Variants in SRPK2 observed in about 807,000 individuals in gnomAD.
SRPK2 encodes SFRS protein kinase 2.
Under a neutral mutation model 90.8 loss-of-function variants are expected in SRPK2, and 21 were observed. That is an observed-to-expected ratio of 0.23 (90% CI 0.16 to 0.33). The LOEUF (loss-of-function observed/expected upper bound fraction) is 0.33, where lower values mean the gene tolerates loss of function less well. Among genes scored for constraint, SRPK2 ranks in the 10% least tolerant of loss-of-function variants. SRPK2 has a pLI of 1.00. For synonymous variants in SRPK2, 288 were observed against 311.1 expected, an observed-to-expected ratio of 0.93 and a Z score of 0.78; for missense variants, 620 against 869.0, an observed-to-expected ratio of 0.71 and a Z score of 3.60.
chr7:105,115,064 G>GTGCCTACTACAGAAATA (rs1799548861), downstream of SRPK2, among the ~76,000 whole-genome samples: 1 of 152,188 alleles, frequency 6.6e-6, no homozygotes, highest in African/African-American at 2.4e-5. Flanking sequence ...GGCTTGAAAT[G>GTGCCTACTACAGAAATA]TGCCTACTAC....
intron 2 of SRPK2, among the ~76,000 whole-genome samples, chr7:105,224,500 T>C (rs1016043479): frequency 1.3e-5 from 2 of 152,046 alleles, no homozygotes; most frequent in African/African-American, 4.8e-5. Flanking sequence ...TCCCAGCTAC[T>C]TGGGAGGCTG....
At chr7:105,147,523 ATTGGCCAGTGGTCTCGAACTC>A (rs1173440419) in intron 7 of SRPK2, among the ~76,000 whole-genome samples, 1 of 151,738 alleles carries the variant, frequency 6.6e-6, no homozygotes, top group Admixed American at 6.6e-5. Flanking sequence ...GTTTTACCAT[ATTGGCCAGTGGTCTCGAACTC>A]CTGACCTTGT....
At chr7:105,224,254 T>C (rs562375497) in intron 2 of SRPK2, among the ~76,000 whole-genome samples, 3 of 152,286 alleles carry the variant, frequency 2.0e-5, no homozygotes, top group East Asian at 3.9e-4. Context: ...TTCATAAAGG[T>C]CATACAATAA....
chr7:105,318,198 G>A (rs548747334), intron 2 of SRPK2, among the ~76,000 whole-genome samples: 4 of 152,292 alleles, frequency 2.6e-5, no homozygotes, highest in East Asian at 1.9e-4. Context: ...GGGTACAAGC[G>A]ATTCTCCTAC....
chr7:105,289,979 A>G lies in SRPK2; in HGVS notation c.72-86194T>C, dbSNP rs541470716. On this transcript the variant is annotated intron_variant, in intron 2 of 15. Coordinates refer to ENST00000393651, the MANE Select transcript of SRPK2 (RefSeq NM_182692.3). The stretch of plus-strand genomic sequence containing the variant: ...GAAGTAGGAAGGCCAAAGAGGAGGG[A>G]GAGAGACAGAGTACAGGTCAGTGGA... 2.1e-4 allele frequency among the ~76,000 whole-genome samples: 32 copies of G among 152,110 alleles called. No individual in the cohort carries two copies. In the East Asian group the frequency reaches 6.2e-3, roughly 29 times the overall value.
chr7:105,226,478 T>G (rs552175211), intron 2 of SRPK2, among the ~76,000 whole-genome samples: 2 of 151,942 alleles, frequency 1.3e-5, no homozygotes, highest in African/African-American at 4.8e-5. Context: ...TTTAGTAGAG[T>G]TGGGGTTTCA....
chr7:105,273,787 C>T (rs1337338610), intron 2 of SRPK2, among the ~76,000 whole-genome samples: 3 of 152,210 alleles, frequency 2.0e-5, no homozygotes, highest in Admixed American at 2.0e-4. Context: ...GACAGCCTGG[C>T]ATATCAGACA....
At chr7:105,276,142 T>C (rs1310466533) in intron 2 of SRPK2, among the ~76,000 whole-genome samples, 1 of 151,946 alleles carries the variant, frequency 6.6e-6, no homozygotes, top group Non-Finnish European at 1.5e-5. Flanking sequence ...AGTGCAGTGG[T>C]GCAACGATAG....
chr7:105,117,786 C>G lies in SRPK2; in HGVS notation c.*52G>C, dbSNP rs1799770406. The stretch of plus-strand genomic sequence containing the variant: ...AAAGAATGAGAGTCACCGTTTAGGT[C>G]CAATGTACTGGGAACATTTGCTAGC... On this transcript the variant is annotated 3_prime_UTR_variant, in exon 16 of 16. Coordinates refer to ENST00000393651, the MANE Select transcript of SRPK2 (RefSeq NM_182692.3). 1.3e-6 allele frequency: 2 copies of G among 1,583,614 alleles called. No homozygotes were observed. Among genetic ancestry groups the G allele is most frequent in the Non-Finnish European group, 1.7e-6 (2 of 1,156,132 alleles).
chr7:105,285,753 T>C (rs978386475), intron 2 of SRPK2, among the ~76,000 whole-genome samples: 6 of 152,304 alleles, frequency 3.9e-5, no homozygotes, highest in East Asian at 3.9e-4. Context: ...TGCTCTCCCT[T>C]TGCCTTCACC....
rs144866834 is a variant in SRPK2 at position 105,128,521 on chromosome 7, G to C, written c.1753-1459C>G. The stretch of plus-strand genomic sequence containing the variant: ...GAACAACTAGATTACACACTCAATG[G>C]CCAGGAGAGTCCTTCTAGCCTGGGA... On this transcript the variant is annotated intron_variant, in intron 13 of 15. Transcript: ENST00000393651. Among the ~76,000 whole-genome samples the C allele has an allele frequency of 1.1e-3, 166 of 152,238 alleles. 1 individual carries two copies. The highest frequency in any genetic ancestry group is 3.9e-3 in the African/African-American group (160 of 41,536).
At chr7:105,262,692 C>T (rs1804470183) in intron 2 of SRPK2, among the ~76,000 whole-genome samples, 1 of 152,176 alleles carries the variant, frequency 6.6e-6, no homozygotes, top group African/African-American at 2.4e-5. Flanking sequence ...GTCTATGCTT[C>T]TAATTCTGTT....
At chr7:105,349,975 G>A (rs1167008106) in intron 2 of SRPK2, among the ~76,000 whole-genome samples, 2 of 149,832 alleles carry the variant, frequency 1.3e-5, no homozygotes, top group South Asian at 4.2e-4. Context: ...CTGAACTTGT[G>A]ATCCACCTGC....
chr7:105,214,616 T>C (rs757973728), intron 2 of SRPK2, among the ~76,000 whole-genome samples: 2 of 152,154 alleles, frequency 1.3e-5, no homozygotes, highest in Non-Finnish European at 2.9e-5. Flanking sequence ...ACAATTCTAG[T>C]CACAATAATA....
At chr7:105,273,089 CCT>C (rs1196356165) in intron 2 of SRPK2, among the ~76,000 whole-genome samples, 2 of 151,992 alleles carry the variant, frequency 1.3e-5, no homozygotes, top group Non-Finnish European at 2.9e-5. Flanking sequence ...GTGGCAGGCG[CCT>C]GTAGTCCCAG....
intron 1 of SRPK2, among the ~76,000 whole-genome samples, chr7:105,397,536 G>C (rs1258755993): frequency 6.6e-6 from 1 of 151,612 alleles, no homozygotes. Context: ...CACCATATTG[G>C]CGAGGCTGGT....
At chr7:105,223,556 C>G (rs1182678775) in intron 2 of SRPK2, among the ~76,000 whole-genome samples, 1 of 152,136 alleles carries the variant, frequency 6.6e-6, no homozygotes, top group Non-Finnish European at 1.5e-5. Flanking sequence ...TTATTGACTC[C>G]CTGTGAATTG....
chr7:105,250,417 A>AG, intron 2 of SRPK2, among the ~76,000 whole-genome samples: 1 of 151,898 alleles, frequency 6.6e-6, no homozygotes, highest in South Asian at 2.1e-4. Flanking sequence ...GAAAAAAAAA[A>AG]CAAAAACCTG....
At chr7:105,368,821 G>A (rs1264491367) in intron 2 of SRPK2, among the ~76,000 whole-genome samples, 1 of 150,826 alleles carries the variant, frequency 6.6e-6, no homozygotes, top group African/African-American at 2.4e-5. Flanking sequence ...GGAGGCAGAG[G>A]TAGGAGTGAG....
Sources: gnomAD v4.1 joint callset for allele counts (sites outside exome capture counted in the v4.1 genomes callset) on GRCh38, gnomAD v4.1.1 for gene constraint, MANE v1.5 for transcripts, NCBI Gene and HGNC (gene_info 2026-07-23, HGNC 2026-07-21) for gene names.